SIPA1L1: variants seen among roughly 807,000 people sequenced by gnomAD.
SIPA1L1 encodes the protein signal-induced proliferation-associated 1-like protein 1.
A neutral mutation model predicts 162.7 loss-of-function variants in SIPA1L1; 26 were observed. The ratio of observed to expected loss-of-function variants is 0.16; its 90% CI spans 0.12 to 0.22. The LOEUF is 0.22. SIPA1L1 is among the 10% of genes least tolerant of loss of function. The pLI is 1.00. For synonymous variants in SIPA1L1, 829 were observed against 837.4 expected (o/e 0.99, Z 0.17); for missense variants, 1,874 against 2,241.0 (o/e 0.84, Z 3.31).
At chr14:71,332,016 A>G (rs941039723) in intron 2 of SIPA1L1, among the ~76,000 whole-genome samples, 80 of 152,266 alleles carry the variant, frequency 5.3e-4, no homozygotes, top group African/African-American at 1.8e-3. Context: ...TGATGGGGAT[A>G]ATTTTGGTTG....
chr14:71,367,859 G>A (rs1458652395), intron 2 of SIPA1L1, among the ~76,000 whole-genome samples: 2 of 150,428 alleles, frequency 1.3e-5, no homozygotes, highest in African/African-American at 2.4e-5. Flanking sequence ...CCCCTGCATC[G>A]GCCTCCCAAA....
chr14:71,415,702 A>ATTTTTTT (rs1000364296), intron 2 of SIPA1L1, among the ~76,000 whole-genome samples: 1 of 144,414 alleles, frequency 6.9e-6, no homozygotes. Context: ...TGTCTTAATT[A>ATTTTTTT]TTTTTTTTTT....
chr14:71,668,024 C>T (rs987469910), intron 10 of SIPA1L1, among the ~76,000 whole-genome samples: 17 of 151,768 alleles, frequency 1.1e-4, no homozygotes, highest in African/African-American at 3.9e-4. Flanking sequence ...GAGATCGCGC[C>T]ACTGCACTCC....
intron 11 of SIPA1L1, among the ~76,000 whole-genome samples, chr14:71,672,098 A>G (rs1434487959): frequency 1.3e-5 from 2 of 152,206 alleles, no homozygotes; most frequent in South Asian, 2.1e-4. Context: ...ATTTACTGCC[A>G]GCTCCCTGTA....
At chr14:71,643,126 A>T (rs1339481018) in intron 7 of SIPA1L1, among the ~76,000 whole-genome samples, 2 of 152,206 alleles carry the variant, frequency 1.3e-5, no homozygotes, top group Non-Finnish European at 2.9e-5. Flanking sequence ...AAGCAGACCC[A>T]AGAAACTCAA....
At chr14:71,597,754 T>A (rs1163031971) in intron 5 of SIPA1L1, among the ~76,000 whole-genome samples, 1 of 152,196 alleles carries the variant, frequency 6.6e-6, no homozygotes, top group Non-Finnish European at 1.5e-5. Flanking sequence ...CTTGCCTACC[T>A]GACAGGCTCC....
intron 4 of SIPA1L1, among the ~76,000 whole-genome samples, chr14:71,578,358 G>A (rs1444515638): frequency 1.3e-5 from 2 of 152,156 alleles, no homozygotes; most frequent in Admixed American, 6.5e-5. Flanking sequence ...GTGAGCCGCT[G>A]CACCTGGCCT....
In SIPA1L1 at chr14:71,733,636, A is replaced by AATCCTGTGG. The variant is rs758951093; in HGVS notation, c.4862-29_4862-28insTCCTGTGGA. The AATCCTGTGG allele has an allele frequency of 8.7e-6, 14 of 1,608,738 alleles. 1 individual carries two copies. In the Admixed American group the frequency reaches 1.7e-4, roughly 19 times the overall value. ...TGAGTGGCTCTTCCACAGGCACAAGAAGCATCTCATTCCTCCTCCCTTCCC... is the reference window on the plus strand; with the variant it reads ...TGAGTGGCTCTTCCACAGGCACAAGAATCCTGTGGAGCATCTCATTCCTCCTCCCTTCCC... On this transcript the variant is annotated intron_variant, in intron 20 of 23. Coordinates refer to ENST00000381232, the MANE Select transcript of SIPA1L1 (RefSeq NM_001386936.1).
At chr14:71,426,486 C>CTTT (rs370856446) in intron 2 of SIPA1L1, among the ~76,000 whole-genome samples, 10 of 132,004 alleles carry the variant, frequency 7.6e-5, no homozygotes, top group African/African-American at 2.2e-4. Context: ...GAATTTCTTT[C>CTTT]TTTTTTTTTT....
At chr14:71,493,691 A>G (rs1378692495) in intron 2 of SIPA1L1, among the ~76,000 whole-genome samples, 1 of 152,230 alleles carries the variant, frequency 6.6e-6, no homozygotes, top group Non-Finnish European at 1.5e-5. Flanking sequence ...AACAAAGGTT[A>G]TGTATGTTCT....
chr14:71,489,991 T>G (rs2049108387), intron 2 of SIPA1L1, among the ~76,000 whole-genome samples: 1 of 152,230 alleles, frequency 6.6e-6, no homozygotes, highest in South Asian at 2.1e-4. Context: ...CTTTCAAGCC[T>G]CATTTATCAC....
chr14:71,575,927 T>C (rs949035774), intron 4 of SIPA1L1, among the ~76,000 whole-genome samples: 1 of 152,254 alleles, frequency 6.6e-6, no homozygotes, highest in African/African-American at 2.4e-5. Context: ...TGTGGACTTG[T>C]TTTTGGCATT....
At chr14:71,702,846 G>A (rs530265949) in intron 15 of SIPA1L1, among the ~76,000 whole-genome samples, 16 of 152,260 alleles carry the variant, frequency 1.1e-4, no homozygotes, top group African/African-American at 3.9e-4. Flanking sequence ...TATACTTAAT[G>A]TCAATTTGAA....
chr14:71,581,967 T>C (rs1189465971), intron 4 of SIPA1L1, among the ~76,000 whole-genome samples: 1 of 152,228 alleles, frequency 6.6e-6, no homozygotes, highest in Non-Finnish European at 1.5e-5. Context: ...AGATTAGTCA[T>C]ATTTAAATGT....
chr14:71,338,071 C>T (rs1026205981), intron 2 of SIPA1L1, among the ~76,000 whole-genome samples: 4 of 152,216 alleles, frequency 2.6e-5, no homozygotes, highest in Admixed American at 2.6e-4. Context: ...TGGGCACCAG[C>T]CCCTGAACAC....
intron 2 of SIPA1L1, among the ~76,000 whole-genome samples, chr14:71,401,842 G>A (rs997126298): frequency 5.3e-5 from 8 of 151,920 alleles, no homozygotes; most frequent in African/African-American, 1.9e-4. Context: ...TTTTATTTGT[G>A]TGTTTTTCCA....
intron 18 of SIPA1L1, among the ~76,000 whole-genome samples, chr14:71,724,339 T>C (rs370644347): frequency 6.6e-6 from 1 of 152,220 alleles, no homozygotes; most frequent in East Asian, 1.9e-4. Flanking sequence ...TTCATTCAAT[T>C]ATTTTGTTTT....
At chr14:71,641,629 A>G (rs1596583476) in intron 7 of SIPA1L1, among the ~76,000 whole-genome samples, 1 of 152,228 alleles carries the variant, frequency 6.6e-6, no homozygotes. Flanking sequence ...AGGCTGAGGC[A>G]GGAGAATGGT....
chr14:71,518,263 A>C (rs936063280), intron 3 of SIPA1L1, among the ~76,000 whole-genome samples: 1 of 151,840 alleles, frequency 6.6e-6, no homozygotes, highest in Non-Finnish European at 1.5e-5. Context: ...CAGCCTAGGC[A>C]ACAGAGGGAG....
Sources: allele counts gnomAD v4.1 joint callset (sites outside exome capture counted in the v4.1 genomes callset), GRCh38; gene constraint gnomAD v4.1.1; transcripts MANE v1.5; gene names NCBI Gene and HGNC (gene_info 2026-07-23, HGNC 2026-07-21).